KCTD16: variants seen among roughly 807,000 people sequenced by gnomAD.
The protein encoded by KCTD16 is potassium channel tetramerization domain containing 16.
In KCTD16, 13 loss-of-function variants were observed where a neutral mutation model predicts 33.2. The observed-to-expected ratio is 0.39, with a 90% CI of 0.25 to 0.62. The LOEUF (loss-of-function observed/expected upper bound fraction) is 0.62. Among genes scored for constraint, KCTD16 ranks in the 20% least tolerant of loss-of-function variants. The pLI, the probability that KCTD16 is intolerant of heterozygous loss-of-function variation, is 0.50. For missense variants in KCTD16, 441 were observed against 525.1 expected (o/e 0.84, Z 1.57); for synonymous variants, 197 against 195.3 (o/e 1.01, Z -0.07).
intron 2 of KCTD16, among the ~76,000 whole-genome samples, chr5:144,194,234 C>T (rs773219038): frequency 6.6e-6 from 1 of 152,174 alleles, no homozygotes; most frequent in Non-Finnish European, 1.5e-5. Context: ...CAAGTGACAT[C>T]TAACAAATGA....
chr5:144,198,478 C>A (rs1752977751), intron 2 of KCTD16, among the ~76,000 whole-genome samples: 2 of 152,200 alleles, frequency 1.3e-5, no homozygotes, highest in South Asian at 4.1e-4. Context: ...TGAGCTAAAT[C>A]TTTCCATTTG....
At chr5:144,267,028 C>T (rs562254774) in intron 3 of KCTD16, among the ~76,000 whole-genome samples, 6 of 152,206 alleles carry the variant, frequency 3.9e-5, no homozygotes, top group African/African-American at 1.2e-4. Context: ...GACACACATA[C>T]CTTGCATGCA....
intron 2 of KCTD16, among the ~76,000 whole-genome samples, chr5:144,175,226 A>C (rs1341698345): frequency 6.6e-6 from 1 of 152,224 alleles, no homozygotes; most frequent in Non-Finnish European, 1.5e-5. Flanking sequence ...TGTAATGCCC[A>C]TTTGACACAT....
intron 3 of KCTD16, among the ~76,000 whole-genome samples, chr5:144,230,787 A>G (rs535678163): frequency 2.0e-5 from 3 of 152,322 alleles, no homozygotes; most frequent in Non-Finnish European, 2.9e-5. Flanking sequence ...TTAATTCTGA[A>G]TGGAATGATC....
At position 144,232,857 on chromosome 5, in the gene KCTD16, A is replaced by G. The variant is rs571421267; in HGVS notation, c.832+25311A>G. ...TTCAATTTTTAAATTAAAGTCATTAAAACTAAATAAAATGAAAAAATGGAG... is the reference window on the plus strand; with the variant it reads ...TTCAATTTTTAAATTAAAGTCATTAGAACTAAATAAAATGAAAAAATGGAG... On this transcript the variant is annotated intron_variant, in intron 3 of 3. Transcript: ENST00000512467. 2.6e-5 allele frequency among the ~76,000 whole-genome samples: 4 copies of G among 152,298 alleles called. No individual in the cohort carries two copies. In the South Asian group the frequency reaches 8.3e-4, roughly 32 times the overall value.
chr5:144,462,568 TA>T (rs11285229), intron 3 of KCTD16, among the ~76,000 whole-genome samples: 58,862 of 138,642 alleles, frequency 0.42, 12,103 homozygotes, highest in East Asian at 0.66. Flanking sequence ...TTTGGTTTCT[TA>T]AAAAAAAAAA....
intron 3 of KCTD16, among the ~76,000 whole-genome samples, chr5:144,255,745 C>T (rs1257287914): frequency 6.6e-6 from 1 of 152,120 alleles, no homozygotes; most frequent in Non-Finnish European, 1.5e-5. Flanking sequence ...GAGTGTAATT[C>T]TGAAATTACT....
chr5:144,450,228 C>A (rs1363712178), intron 3 of KCTD16, among the ~76,000 whole-genome samples: 2 of 151,968 alleles, frequency 1.3e-5, no homozygotes, highest in Non-Finnish European at 2.9e-5. Flanking sequence ...CAGGGAAATG[C>A]AAGTCAAAGC....
chr5:144,218,740 T>C (rs917506092), intron 3 of KCTD16, among the ~76,000 whole-genome samples: 4 of 152,194 alleles, frequency 2.6e-5, no homozygotes, highest in African/African-American at 9.7e-5. Flanking sequence ...TAACTAAACA[T>C]TGCTGATTTA....
At chr5:144,420,542 A>G (rs1753186813) in intron 3 of KCTD16, among the ~76,000 whole-genome samples, 1 of 152,014 alleles carries the variant, frequency 6.6e-6, no homozygotes, top group Non-Finnish European at 1.5e-5. Flanking sequence ...GTGCACACTC[A>G]TGGATTTTAC....
intron 3 of KCTD16, among the ~76,000 whole-genome samples, chr5:144,259,214 C>T (rs149970233): frequency 0.034 from 4,794 of 139,662 alleles, 282 homozygotes; most frequent in African/African-American, 0.12. Context: ...GCCGAGATCG[C>T]GCCGCTGCAC....
chr5:144,437,756 A>G (rs1033275245), intron 3 of KCTD16, among the ~76,000 whole-genome samples: 5 of 152,032 alleles, frequency 3.3e-5, no homozygotes, highest in Admixed American at 6.6e-5. Flanking sequence ...GATCATTATT[A>G]TTTTCTTTAC....
chr5:144,304,545 G>A (rs1047214055), intron 3 of KCTD16, among the ~76,000 whole-genome samples: 1 of 152,040 alleles, frequency 6.6e-6, no homozygotes, highest in Non-Finnish European at 1.5e-5. Context: ...CAGACAGGTT[G>A]CATTTTTTCA....
Position 144,299,910 on chromosome 5 carries a change from A to C in KCTD16, c.832+92364A>C, listed in dbSNP as rs187245933. Among the ~76,000 whole-genome samples, 57 of 147,278 alleles carry C rather than the reference A, an allele frequency of 3.9e-4. No individual in the cohort carries two copies. In the East Asian group the frequency reaches 5.4e-3, roughly 14 times the overall value. On this transcript the variant is annotated intron_variant, in intron 3 of 3. Coordinates refer to ENST00000512467, the MANE Select transcript of KCTD16 (RefSeq NM_020768.4). ...CACCAGAATCATTTAAAAAAAAAAA[A>C]AAAAACAAAAAACAAAAAACAAAAA...
Position 144,244,090 on chromosome 5 carries a change from T to A in KCTD16, c.832+36544T>A, listed in dbSNP as rs142890113. Among the ~76,000 whole-genome samples the A allele has an allele frequency of 9.9e-5, 15 of 152,232 alleles. No individual in the cohort carries two copies. In the South Asian group the frequency reaches 1.9e-3, roughly 19 times the overall value. ...ATGGCATGTAACTCTTTGGGAGTAT[T>A]CTAACCAAAGCATGGAGAGTTTCTA... On this transcript the variant is annotated intron_variant, in intron 3 of 3. Transcript: ENST00000512467.
chr5:144,466,993 TA>T (rs1754349440), intron 3 of KCTD16, among the ~76,000 whole-genome samples: 1 of 47,570 alleles, frequency 2.1e-5, no homozygotes, highest in Middle Eastern at 7.7e-3. Flanking sequence ...TAACACTATA[TA>T]TATTATATAT....
At chr5:144,471,673 C>T (rs1365487894) in intron 3 of KCTD16, among the ~76,000 whole-genome samples, 1 of 152,144 alleles carries the variant, frequency 6.6e-6, no homozygotes, top group Non-Finnish European at 1.5e-5. Context: ...AAAGCATTTT[C>T]TATTACTGAT....
intron 3 of KCTD16, among the ~76,000 whole-genome samples, chr5:144,418,052 G>T (rs1753114786): frequency 6.6e-6 from 1 of 152,104 alleles, no homozygotes; most frequent in South Asian, 2.1e-4. Context: ...CACAGACCTT[G>T]GCAGTGAGTA....
chr5:144,244,522 G>A (rs1386288363), intron 3 of KCTD16, among the ~76,000 whole-genome samples: 3 of 152,110 alleles, frequency 2.0e-5, no homozygotes, highest in Non-Finnish European at 4.4e-5. Context: ...CACAGAATTG[G>A]ACTAACTGTT....
Sources: allele counts gnomAD v4.1 joint callset (sites outside exome capture counted in the v4.1 genomes callset), GRCh38; gene constraint gnomAD v4.1.1; transcripts MANE v1.5; gene names NCBI Gene and HGNC (gene_info 2026-07-23, HGNC 2026-07-21).